The following PDE5A variants were observed in gnomAD, a reference collection of about 807,000 sequenced individuals.
PDE5A encodes phosphodiesterase 5A.
In PDE5A, 67 loss-of-function variants were observed where a neutral mutation model predicts 110.2. That is an observed-to-expected ratio of 0.61 (90% CI 0.50 to 0.75). PDE5A has a LOEUF of 0.75. PDE5A is among the 30% of genes least tolerant of loss of function. The pLI, the probability that PDE5A is intolerant of heterozygous loss-of-function variation, is 0.00. For synonymous variants in PDE5A, 328 were observed against 351.2 expected (o/e 0.93, Z 0.74); for missense variants, 862 against 1,045.1 (o/e 0.82, Z 2.42).
intron 3 of PDE5A, among the ~76,000 whole-genome samples, chr4:119,583,907 T>C (rs1176058009): frequency 1.3e-5 from 2 of 152,214 alleles, no homozygotes; most frequent in African/African-American, 4.8e-5. Flanking sequence ...GCTTTTGTTT[T>C]CAAAAGCAGA....
At chr4:119,515,795 T>C (rs754445411) in intron 14 of PDE5A, among the ~76,000 whole-genome samples, 4 of 152,276 alleles carry the variant, frequency 2.6e-5, no homozygotes, top group Middle Eastern at 3.4e-3. Flanking sequence ...ATACTTGACT[T>C]GCTGTAACAG....
chr4:119,503,269 A>C (rs1725431363), intron 18 of PDE5A, among the ~76,000 whole-genome samples: 1 of 152,178 alleles, frequency 6.6e-6, no homozygotes, highest in Non-Finnish European at 1.5e-5. Context: ...TACGGACTCA[A>C]AATGAAATCT....
At chr4:119,590,013 G>C (rs1391148694) in intron 3 of PDE5A, among the ~76,000 whole-genome samples, 3 of 152,112 alleles carry the variant, frequency 2.0e-5, no homozygotes, top group East Asian at 1.9e-4. Flanking sequence ...GGGAAGCAGA[G>C]TGCAGCCATC....
chr4:119,610,960 C>A (rs1018911510), intron 1 of PDE5A, among the ~76,000 whole-genome samples: 1 of 152,128 alleles, frequency 6.6e-6, no homozygotes, highest in African/African-American at 2.4e-5. Flanking sequence ...TCTTAGCTAC[C>A]CTACTTGGCT....
intron 2 of PDE5A, among the ~76,000 whole-genome samples, chr4:119,605,790 C>T (rs1729508119): frequency 6.6e-6 from 1 of 152,136 alleles, no homozygotes; most frequent in Admixed American, 6.5e-5. Context: ...TTTAATTCAA[C>T]CAATATTTAC....
chr4:119,544,641 G>A (rs1398116694), intron 9 of PDE5A, among the ~76,000 whole-genome samples: 1 of 152,102 alleles, frequency 6.6e-6, no homozygotes, highest in South Asian at 2.1e-4. Flanking sequence ...TCTCCTACTT[G>A]ATAGCCTTTT....
intron 10 of PDE5A, among the ~76,000 whole-genome samples, chr4:119,541,246 CTTAGA>C (rs1408328634): frequency 6.6e-6 from 1 of 151,366 alleles, no homozygotes; most frequent in Non-Finnish European, 1.5e-5. Flanking sequence ...TGATAGCTGA[CTTAGA>C]TTAAATTTTT....
intron 2 of PDE5A, among the ~76,000 whole-genome samples, chr4:119,599,237 A>G (rs1729256831): frequency 6.6e-6 from 1 of 152,200 alleles, no homozygotes; most frequent in African/African-American, 2.4e-5. Context: ...AAGGAAGAGG[A>G]TATAATCCAA....
intron 2 of PDE5A, among the ~76,000 whole-genome samples, chr4:119,600,477 C>T (rs886276171): frequency 3.9e-5 from 6 of 152,120 alleles, no homozygotes; most frequent in African/African-American, 1.4e-4. Context: ...ATTCCCCCCA[C>T]TAAAAGAAAC....
At chr4:119,567,874 CT>C (rs1218386563) in intron 3 of PDE5A, among the ~76,000 whole-genome samples, 1 of 152,118 alleles carries the variant, frequency 6.6e-6, no homozygotes, top group African/African-American at 2.4e-5. Context: ...CTTCTCTCCT[CT>C]TTATTACTTA....
chr4:119,540,488 A>C (rs1437296063), intron 10 of PDE5A, among the ~76,000 whole-genome samples: 1 of 7,668 alleles, frequency 1.3e-4, no homozygotes, highest in Non-Finnish European at 2.4e-4. Context: ...CTGAGACTAC[A>C]GTGGTGGTTC....
chr4:119,502,407 T>C (rs985803902), intron 19 of PDE5A, 174 bp downstream of exon 19: 10 of 479,524 alleles, frequency 2.1e-5, no homozygotes, highest in African/African-American at 2.0e-4. Context: ...ATGCCTTTTA[T>C]TGGTTTTGCT....
chr4:119,572,310 G>A (rs1486886052), intron 3 of PDE5A, among the ~76,000 whole-genome samples: 1 of 152,192 alleles, frequency 6.6e-6, no homozygotes, highest in Admixed American at 6.5e-5. Flanking sequence ...AATAGTATGT[G>A]TTGTTGATGA....
intron 7 of PDE5A, among the ~76,000 whole-genome samples, chr4:119,556,865 A>G (rs775272366): frequency 4.3e-4 from 66 of 152,234 alleles, no homozygotes; most frequent in Non-Finnish European, 8.2e-4. Context: ...ACAGATTGTC[A>G]AGAATAAAAT....
At chr4:119,514,244 G>A (rs556991636) in intron 14 of PDE5A, among the ~76,000 whole-genome samples, 2 of 152,264 alleles carry the variant, frequency 1.3e-5, no homozygotes, top group South Asian at 4.1e-4. Flanking sequence ...TTTAAAAATA[G>A]AAAGCCTTAG....
Position 119,520,968 on chromosome 4 carries a change from G to A in PDE5A, c.1872C>T (p.Cys624=). ...TGCCTGCTTTTAGAGCAGCAAACAT[G>A]CACTGAGCTGTATTAAAGGCATGTC... ...NWRHAFNTAQ[C]MFAALKAGKI... is the part of the protein sequence containing the mutation. The change falls in exon 13 of 21, where the codon TGC becomes TGT. Residue 624 remains cysteine (C), a synonymous_variant. Coordinates refer to ENST00000354960, the MANE Select transcript of PDE5A (RefSeq NM_001083.4). 1 of 1,612,468 alleles carries A rather than the reference G, an allele frequency of 6.2e-7. No individual in the cohort carries two copies. Among genetic ancestry groups the A allele is most frequent in the Non-Finnish European group, 8.5e-7 (1 of 1,179,004 alleles).
chr4:119,555,542 G>A (rs1727505745), intron 7 of PDE5A, among the ~76,000 whole-genome samples: 1 of 151,916 alleles, frequency 6.6e-6, no homozygotes, highest in Admixed American at 6.6e-5. Context: ...AAAATGAAAA[G>A]GTGACCACCA....
intron 15 of PDE5A, among the ~76,000 whole-genome samples, chr4:119,508,205 T>G (rs1293435946): frequency 6.6e-6 from 1 of 151,948 alleles, no homozygotes. Context: ...TTAATATAGA[T>G]GGGTAAAGGG....
intron 11 of PDE5A, among the ~76,000 whole-genome samples, chr4:119,535,383 A>G (rs758408449): frequency 2.0e-5 from 3 of 152,078 alleles, no homozygotes; most frequent in African/African-American, 4.8e-5. Flanking sequence ...AAAACCTCCC[A>G]GCCTTCCAAG....
Sources: gnomAD v4.1 joint callset for allele counts (sites outside exome capture counted in the v4.1 genomes callset) on GRCh38, gnomAD v4.1.1 for gene constraint, MANE v1.5 for transcripts, NCBI Gene and HGNC (gene_info 2026-07-23, HGNC 2026-07-21) for gene names.